CLSTN1: variants seen among roughly 807,000 people sequenced by gnomAD.
CLSTN1 encodes calsyntenin 1.
CLSTN1 carries 28 observed loss-of-function variants against 108.3 expected under a neutral mutation model. The observed-to-expected ratio is 0.26, with a 90% CI of 0.19 to 0.35. CLSTN1 has a LOEUF of 0.35. Among genes scored for constraint, CLSTN1 ranks in the 10% least tolerant of loss-of-function variants. The pLI, the probability that CLSTN1 is intolerant of heterozygous loss-of-function variation, is 1.00. For missense variants in CLSTN1, 1,157 were observed against 1,302.6 expected (o/e 0.89, Z 1.72); for synonymous variants, 524 against 534.9 (o/e 0.98, Z 0.28).
chr1:9,745,031 C>T (rs1249599606), intron 7 of CLSTN1, among the ~76,000 whole-genome samples: 5 of 152,144 alleles, frequency 3.3e-5, no homozygotes, highest in African/African-American at 7.2e-5. Context: ...GGATTACAGG[C>T]GTGAGCCACC....
intron 1 of CLSTN1, among the ~76,000 whole-genome samples, chr1:9,788,124 G>A (rs1387889700): frequency 1.3e-5 from 2 of 151,416 alleles, no homozygotes; most frequent in Admixed American, 6.7e-5. Flanking sequence ...GCATGGTGGT[G>A]CCACACTTGT....
chr1:9,781,841 T>G (rs905847024), intron 1 of CLSTN1, among the ~76,000 whole-genome samples: 5 of 152,176 alleles, frequency 3.3e-5, no homozygotes, highest in Admixed American at 6.5e-5. Context: ...TTCTAAGCAG[T>G]CTATCAGATG....
intron 16 of CLSTN1, among the ~76,000 whole-genome samples, chr1:9,732,119 G>T (rs1402363262): frequency 6.6e-6 from 1 of 152,112 alleles, no homozygotes; most frequent in Non-Finnish European, 1.5e-5. Context: ...ACAAAAAAGA[G>T]TAATAAGCAC....
intron 1 of CLSTN1, among the ~76,000 whole-genome samples, chr1:9,816,898 C>T (rs1488317076): frequency 1.3e-5 from 2 of 152,320 alleles, no homozygotes; most frequent in East Asian, 1.9e-4. Context: ...CCGCCCACCT[C>T]GGCCTCCCGA....
At chr1:9,733,659 A>G in intron 15 of CLSTN1, 113 bp from the exon 16 acceptor site, 2 of 1,288,010 alleles carry the variant, frequency 1.6e-6, no homozygotes, top group East Asian at 2.4e-5. Context: ...AGCTAGGCCA[A>G]GGGGTCACAC....
chr1:9,741,861 G>A (rs1028101088), intron 9 of CLSTN1, among the ~76,000 whole-genome samples: 28 of 152,184 alleles, frequency 1.8e-4, no homozygotes, highest in African/African-American at 6.5e-4. Flanking sequence ...GCGGTGAGCC[G>A]AGATTGTGCC....
chr1:9,741,451 G>C lies in CLSTN1; in HGVS notation c.1357-195C>G, dbSNP rs117835386. On this transcript the variant is annotated intron_variant, in intron 9 of 18. Transcript: ENST00000377298. ...TCTAGGGCATTTCCAAACTACGGGG[G>C]CTGCATTGCTCACTAACCAGAGGAC... Among the ~76,000 whole-genome samples the C allele has an allele frequency of 4.3e-3, 661 of 152,298 alleles. 12 individuals carry two copies. Among genetic ancestry groups the C allele is most frequent in the East Asian group, 0.042 (220 of 5,184 alleles).
intron 9 of CLSTN1, among the ~76,000 whole-genome samples, chr1:9,743,051 G>T (rs1378314284): frequency 6.6e-6 from 1 of 152,004 alleles, no homozygotes; most frequent in African/African-American, 2.4e-5. Flanking sequence ...TTTAGCAACT[G>T]CAGGCACATA....
intron 1 of CLSTN1, among the ~76,000 whole-genome samples, chr1:9,818,372 A>C (rs1655060390): frequency 6.6e-6 from 1 of 151,158 alleles, no homozygotes; most frequent in Non-Finnish European, 1.5e-5. Flanking sequence ...CTCTGTCGCC[A>C]GGCTGGAGTG....
rs1252298693 is a variant in CLSTN1, at chr1:9,729,896, G to C, written c.*612C>G. 6.4e-6 allele frequency: 1 copy of C among 155,942 alleles called. No individual in the cohort carries two copies. The highest frequency in any genetic ancestry group is 2.4e-5 in the African/African-American group (1 of 41,454). 9.7% of individuals were successfully genotyped at this position (155,942 alleles called of 1,614,324 possible). ...GGGTGGGCCTCTCCCTCTGGGGTCT[G>C]GGGAGGGAGGACCCGGCGGGAAGAG... On this transcript the variant is annotated 3_prime_UTR_variant, in exon 19 of 19. Transcript: ENST00000377298.
At chr1:9,795,846 T>G (rs1557718876) in intron 1 of CLSTN1, among the ~76,000 whole-genome samples, 2 of 150,762 alleles carry the variant, frequency 1.3e-5, no homozygotes, top group Non-Finnish European at 2.9e-5. Flanking sequence ...TCCTGGCTAC[T>G]TGGGAGGCTG....
chr1:9,742,296 G>A (rs1470364610), intron 9 of CLSTN1, among the ~76,000 whole-genome samples: 1 of 152,030 alleles, frequency 6.6e-6, no homozygotes, highest in African/African-American at 2.4e-5. Context: ...GCGTCTACAA[G>A]AATGAAATGC....
chr1:9,780,080 T>C (rs11121490), intron 1 of CLSTN1, among the ~76,000 whole-genome samples: 35,974 of 151,482 alleles, frequency 0.24, 7,491 homozygotes, highest in African/African-American at 0.56. Flanking sequence ...GTCTCGAACT[T>C]CAGACCTCAG....
intron 1 of CLSTN1, among the ~76,000 whole-genome samples, chr1:9,805,555 A>G (rs1180488260): frequency 1.3e-5 from 2 of 152,210 alleles, no homozygotes; most frequent in African/African-American, 4.8e-5. Context: ...TTTGGAAAAC[A>G]GTTAATTTTC....
At chr1:9,801,381 C>A (rs1247159070) in intron 1 of CLSTN1, among the ~76,000 whole-genome samples, 1 of 152,174 alleles carries the variant, frequency 6.6e-6, no homozygotes, top group Non-Finnish European at 1.5e-5. Context: ...CTAAATAGAC[C>A]TGTATCTCTT....
chr1:9,756,916 C>A (rs927349997), intron 2 of CLSTN1, among the ~76,000 whole-genome samples: 4 of 151,862 alleles, frequency 2.6e-5, no homozygotes, highest in African/African-American at 9.7e-5. Flanking sequence ...GTAGCTGGGA[C>A]TACAGGCGCC....
chr1:9,764,205 TAA>T (rs1652216865), intron 2 of CLSTN1, among the ~76,000 whole-genome samples: 1 of 151,326 alleles, frequency 6.6e-6, no homozygotes, highest in Non-Finnish European at 1.5e-5. Context: ...TTGTGGGAAC[TAA>T]AAGAGTGAGA....
chr1:9,739,224 G>A (rs928713674), intron 10 of CLSTN1, among the ~76,000 whole-genome samples: 4 of 152,156 alleles, frequency 2.6e-5, no homozygotes, highest in African/African-American at 9.7e-5. Context: ...AGCAATGACT[G>A]CAACTTTGTC....
intron 1 of CLSTN1, among the ~76,000 whole-genome samples, chr1:9,797,320 G>A (rs558341930): frequency 7.2e-5 from 11 of 152,080 alleles, no homozygotes; most frequent in East Asian, 1.9e-4. Context: ...AAGGGGAAGT[G>A]GGGGAGGGAG....
Sources: gnomAD v4.1 joint callset for allele counts (sites outside exome capture counted in the v4.1 genomes callset) on GRCh38, gnomAD v4.1.1 for gene constraint, MANE v1.5 for transcripts, NCBI Gene and HGNC (gene_info 2026-07-23, HGNC 2026-07-21) for gene names.